TENM3: variants seen among roughly 807,000 people sequenced by gnomAD.
TENM3 encodes teneurin-3.
Under a neutral mutation model 255.1 loss-of-function variants are expected in TENM3, and 63 were observed. The observed-to-expected ratio is 0.25, with a 90% CI of 0.20 to 0.30. The LOEUF (loss-of-function observed/expected upper bound fraction) is 0.30. TENM3 is among the 10% of genes least tolerant of loss of function. The pLI is 1.00. For synonymous variants in TENM3, 1,306 were observed against 1,322.3 expected, an observed-to-expected ratio of 0.99 and a Z score of 0.27; for missense variants, 2,929 against 3,461.1, an observed-to-expected ratio of 0.85 and a Z score of 3.86.
At chr4:181,561,318 C>G in the TENM3 span, among the ~76,000 whole-genome samples, 1 of 152,146 alleles carries the variant, frequency 6.6e-6, no homozygotes, top group South Asian at 2.1e-4. Flanking sequence ...AAGACAGTTT[C>G]AGCTACATGC....
At chr4:182,361,710 C>T (rs1307469629) in intron 3 of TENM3, among the ~76,000 whole-genome samples, 2 of 152,068 alleles carry the variant, frequency 1.3e-5, no homozygotes, top group Admixed American at 1.3e-4. Flanking sequence ...GCCTTCTTCT[C>T]TCAACTCGTC....
chr4:182,246,859 T>C (rs954868459), intron 1 of TENM3, among the ~76,000 whole-genome samples: 45 of 152,052 alleles, frequency 3.0e-4, no homozygotes, highest in African/African-American at 1.1e-3. Flanking sequence ...ACAAAGAAGA[T>C]AAGTTCCGAT....
the TENM3 span, among the ~76,000 whole-genome samples, chr4:181,796,840 G>A: frequency 3.3e-5 from 5 of 152,244 alleles, no homozygotes; most frequent in African/African-American, 7.2e-5. Context: ...GCATCACCAC[G>A]TTCATTTCAT....
At chr4:182,646,046 T>G (rs890082487) in intron 5 of TENM3, among the ~76,000 whole-genome samples, 8 of 152,176 alleles carry the variant, frequency 5.3e-5, no homozygotes, top group Admixed American at 1.3e-4. Flanking sequence ...TTCTGCTCAC[T>G]CAAGGCCCTA....
the TENM3 span, among the ~76,000 whole-genome samples, chr4:181,691,422 A>G: frequency 1.9e-4 from 29 of 152,166 alleles, no homozygotes; most frequent in Admixed American, 1.9e-3. Context: ...TTTCTGTAAC[A>G]GAACTACAGA....
At chr4:182,073,114 G>A in the TENM3 span, among the ~76,000 whole-genome samples, 1 of 152,142 alleles carries the variant, frequency 6.6e-6, no homozygotes, top group Admixed American at 6.5e-5. Context: ...CTGCATGGCT[G>A]GAGAGGCCTC....
At chr4:181,901,044 C>T in the TENM3 span, among the ~76,000 whole-genome samples, 1 of 152,200 alleles carries the variant, frequency 6.6e-6, no homozygotes, top group Non-Finnish European at 1.5e-5. Flanking sequence ...ACCAATGATG[C>T]TGACTTGCAG....
chr4:181,537,407 G>C, the TENM3 span, among the ~76,000 whole-genome samples: 1 of 152,058 alleles, frequency 6.6e-6, no homozygotes, highest in Non-Finnish European at 1.5e-5. Flanking sequence ...CCGAGCATCT[G>C]GGTCCTTGTA....
chr4:182,258,292 C>T (rs1241250937), intron 1 of TENM3, among the ~76,000 whole-genome samples: 2 of 152,034 alleles, frequency 1.3e-5, no homozygotes, highest in African/African-American at 2.4e-5. Flanking sequence ...GTTTGCTAAA[C>T]CTCACCAAAC....
At chr4:181,622,254 CT>C in the TENM3 span, among the ~76,000 whole-genome samples, 6 of 152,196 alleles carry the variant, frequency 3.9e-5, no homozygotes, top group South Asian at 6.2e-4. Flanking sequence ...TCTTTCCTGC[CT>C]CGTTTCCCTT....
At chr4:182,212,695 C>T (rs963309195) in intron 1 of TENM3, among the ~76,000 whole-genome samples, 1 of 152,244 alleles carries the variant, frequency 6.6e-6, no homozygotes, top group South Asian at 2.1e-4. Context: ...CCTTTGATCC[C>T]GATACCGCTG....
chr4:181,908,979 C>T, the TENM3 span, among the ~76,000 whole-genome samples: 1 of 152,194 alleles, frequency 6.6e-6, no homozygotes, highest in Non-Finnish European at 1.5e-5. Context: ...TTGAACATAA[C>T]ATTTATAGGC....
intron 7 of TENM3, among the ~76,000 whole-genome samples, chr4:182,673,422 T>G (rs1475729229): frequency 6.6e-6 from 1 of 152,174 alleles, no homozygotes; most frequent in Admixed American, 6.5e-5. Flanking sequence ...TCTTCCTGAT[T>G]TGACTGTTTA....
At chr4:181,728,648 A>C in the TENM3 span, among the ~76,000 whole-genome samples, 20,928 of 152,222 alleles carry the variant, frequency 0.14, 1,908 homozygotes, top group Non-Finnish European at 0.2. Flanking sequence ...TTTCATCACC[A>C]TCTTGGCTTG....
the TENM3 span, among the ~76,000 whole-genome samples, chr4:181,518,674 G>A: frequency 2.6e-5 from 4 of 152,240 alleles, no homozygotes; most frequent in South Asian, 2.1e-4. Context: ...TGATCCGCCC[G>A]CCTCAGCCTC....
At chr4:181,879,400 CCTT>C in the TENM3 span, among the ~76,000 whole-genome samples, 15 of 152,146 alleles carry the variant, frequency 9.9e-5, no homozygotes, top group African/African-American at 3.6e-4. Context: ...TTTTCAATGA[CCTT>C]CTTAACTGAT....
chr4:181,618,395 T>C, the TENM3 span, among the ~76,000 whole-genome samples: 2 of 152,220 alleles, frequency 1.3e-5, no homozygotes, highest in African/African-American at 4.8e-5. Context: ...CATTGCTCGA[T>C]CACTGCTGGA....
chr4:182,123,766 G>T, the TENM3 span, among the ~76,000 whole-genome samples: 1 of 152,094 alleles, frequency 6.6e-6, no homozygotes. Context: ...TGGAAAAATG[G>T]TACCATTAGA....
chr4:181,696,083 A>G, the TENM3 span, among the ~76,000 whole-genome samples: 13 of 152,308 alleles, frequency 8.5e-5, no homozygotes, highest in East Asian at 2.5e-3. Flanking sequence ...ATTTTCAAAG[A>G]CTATTCTTTG....
Sources: gnomAD v4.1 joint callset for allele counts (sites outside exome capture counted in the v4.1 genomes callset) on GRCh38, gnomAD v4.1.1 for gene constraint, MANE v1.5 for transcripts, NCBI Gene and HGNC (gene_info 2026-07-23, HGNC 2026-07-21) for gene names.